Variants in CDH11 observed in about 807,000 individuals in gnomAD.
The protein encoded by CDH11 is cadherin-11.
In CDH11, 11 loss-of-function variants were observed where a neutral mutation model predicts 67.8. The observed-to-expected ratio is 0.16, with a 90% CI of 0.10 to 0.27. The LOEUF is 0.27. CDH11 is among the 10% of genes least tolerant of loss of function. The pLI is 1.00. For synonymous variants in CDH11, 419 were observed against 400.0 expected (o/e 1.05, Z -0.57); for missense variants, 847 against 1,031.2 (o/e 0.82, Z 2.45).
intron 1 of CDH11, among the ~76,000 whole-genome samples, chr16:65,100,895 T>C (rs1305355731): frequency 1.3e-5 from 2 of 152,176 alleles, no homozygotes; most frequent in Non-Finnish European, 2.9e-5. Context: ...TAATGATATC[T>C]GAAAAAACAA....
chr16:65,117,807 C>CT (rs985961304), intron 1 of CDH11, among the ~76,000 whole-genome samples: 31 of 152,088 alleles, frequency 2.0e-4, no homozygotes, highest in Non-Finnish European at 4.4e-5. Context: ...AAATGATGCT[C>CT]TTTTTGCCAG....
intron 11 of CDH11, among the ~76,000 whole-genome samples, chr16:64,960,598 A>G (rs879294840): frequency 1.3e-5 from 2 of 152,112 alleles, no homozygotes; most frequent in Admixed American, 1.3e-4. Flanking sequence ...TGAGACTTAA[A>G]GGAGGAGGGA....
At chr16:65,110,790 A>G (rs149274888) in intron 1 of CDH11, among the ~76,000 whole-genome samples, 192 of 152,114 alleles carry the variant, frequency 1.3e-3, no homozygotes, top group African/African-American at 4.6e-3. Context: ...GAGTAGAAGG[A>G]ACTCTCTTCC....
chr16:64,973,493 A>C (rs1449234729), intron 8 of CDH11, among the ~76,000 whole-genome samples: 1 of 152,170 alleles, frequency 6.6e-6, no homozygotes, highest in South Asian at 2.1e-4. Flanking sequence ...ATAGACCTAA[A>C]AATCAGTTTG....
chr16:65,065,424 A>T (rs939042228), intron 1 of CDH11, among the ~76,000 whole-genome samples: 7 of 152,366 alleles, frequency 4.6e-5, no homozygotes, highest in African/African-American at 1.7e-4. Flanking sequence ...GGTCATATGC[A>T]AAGCTTGGGC....
At chr16:65,089,625 C>T (rs1188312102) in intron 1 of CDH11, among the ~76,000 whole-genome samples, 1 of 151,998 alleles carries the variant, frequency 6.6e-6, no homozygotes, top group Non-Finnish European at 1.5e-5. Flanking sequence ...AATAGCATTC[C>T]AGTTCTATGT....
At chr16:65,045,561 T>C (rs2073947732) in intron 2 of CDH11, among the ~76,000 whole-genome samples, 1 of 151,716 alleles carries the variant, frequency 6.6e-6, no homozygotes, top group Non-Finnish European at 1.5e-5. Context: ...CAGATTTTAG[T>C]ATAGCTCGTT....
intron 1 of CDH11, among the ~76,000 whole-genome samples, chr16:65,080,057 A>AT (rs138492034): frequency 1.3e-4 from 19 of 151,936 alleles, no homozygotes; most frequent in Middle Eastern, 3.4e-3. Flanking sequence ...GGCTTACACT[A>AT]TTTTTTTTCT....
chr16:64,995,296 G>GA, intron 4 of CDH11, among the ~76,000 whole-genome samples: 1 of 151,870 alleles, frequency 6.6e-6, no homozygotes, highest in East Asian at 1.9e-4. Context: ...GCAATCCTAA[G>GA]CAAAAAGAAA....
At chr16:64,999,644 C>A (rs1057220008) in intron 3 of CDH11, among the ~76,000 whole-genome samples, 1 of 152,116 alleles carries the variant, frequency 6.6e-6, no homozygotes. Context: ...AGCGATTTCT[C>A]CTAAATCAGC....
chr16:64,989,259 GTGAT>G (rs1424781662), intron 6 of CDH11, among the ~76,000 whole-genome samples: 1 of 151,964 alleles, frequency 6.6e-6, no homozygotes, highest in Non-Finnish European at 1.5e-5. Context: ...GTGGCCATGA[GTGAT>G]TGTGTGGGCA....
At chr16:65,024,021 G>A (rs961817771) in intron 2 of CDH11, among the ~76,000 whole-genome samples, 2 of 152,154 alleles carry the variant, frequency 1.3e-5, no homozygotes, top group African/African-American at 4.8e-5. Flanking sequence ...CATTCAAGGT[G>A]GAGTCACTCT....
chr16:65,056,275 TG>T (rs1597141312), intron 1 of CDH11, among the ~76,000 whole-genome samples: 1 of 152,178 alleles, frequency 6.6e-6, no homozygotes, highest in East Asian at 1.9e-4. Flanking sequence ...GAGAGAGAGG[TG>T]CCAATCCATT....
In CDH11 at chr16:64,945,985, A is replaced by G. The variant is rs1334772701; in HGVS notation, c.*1618T>C. The G allele has an allele frequency of 9.4e-7, 1 of 1,059,052 alleles. No homozygotes were observed. Among genetic ancestry groups the G allele is most frequent in the East Asian group, 5.2e-5 (1 of 19,314 alleles). The allele number at this position is 1,059,052 out of a possible 1,614,324, so 65.6% of individuals were successfully genotyped here. ...TACGTTTTGACCTTTGGCCCAACTG[A>G]ACAGGTGAAATGCCCTTCACATAAG... On this transcript the variant is annotated 3_prime_UTR_variant, in exon 13 of 13. Transcript: ENST00000268603.
intron 4 of CDH11, among the ~76,000 whole-genome samples, chr16:64,995,110 C>T (rs1233162836): frequency 2.0e-5 from 3 of 152,104 alleles, no homozygotes; most frequent in African/African-American, 4.8e-5. Context: ...ATTCTTTCAA[C>T]CCATGAGCAT....
Position 64,945,448 on chromosome 16 carries a change from C to G in CDH11, c.*2155G>C. On this transcript the variant is annotated 3_prime_UTR_variant, in exon 13 of 13. Coordinates refer to ENST00000268603, the MANE Select transcript of CDH11 (RefSeq NM_001797.4). ...ATACATTCCTAGAGAAAAGGATCATCCATGGTGACAGGGTTACTTACAGCT... is the reference window on the plus strand; with the variant it reads ...ATACATTCCTAGAGAAAAGGATCATGCATGGTGACAGGGTTACTTACAGCT... 7.7e-6 allele frequency: 8 copies of G among 1,036,806 alleles called. No individual in the cohort carries two copies. Among genetic ancestry groups the G allele is most frequent in the Non-Finnish European group, 9.3e-6 (8 of 860,496 alleles). 64.2% of individuals were successfully genotyped at this position (1,036,806 alleles called of 1,614,324 possible).
chr16:65,119,481 G>A (rs1178363886), intron 1 of CDH11, among the ~76,000 whole-genome samples: 1 of 152,068 alleles, frequency 6.6e-6, no homozygotes, highest in Non-Finnish European at 1.5e-5. Flanking sequence ...AATGCTGAAC[G>A]TAATGAAAGT....
intron 1 of CDH11, among the ~76,000 whole-genome samples, chr16:65,092,435 A>G (rs2142833203): frequency 6.6e-6 from 1 of 152,310 alleles, no homozygotes; most frequent in East Asian, 1.9e-4. Context: ...AGGGAGACCA[A>G]AGTGCTTTGG....
At chr16:64,993,693 G>A (rs2072689190) in intron 4 of CDH11, among the ~76,000 whole-genome samples, 1 of 152,110 alleles carries the variant, frequency 6.6e-6, no homozygotes, top group Non-Finnish European at 1.5e-5. Context: ...GGGTCAGAAC[G>A]AAGGGAAACC....
Sources: gnomAD v4.1 joint callset for allele counts (sites outside exome capture counted in the v4.1 genomes callset) on GRCh38, gnomAD v4.1.1 for gene constraint, MANE v1.5 for transcripts, NCBI Gene and HGNC (gene_info 2026-07-23, HGNC 2026-07-21) for gene names.